Variants in ANO5 observed in about 807,000 individuals in gnomAD.
ANO5 encodes the protein anoctamin-5.
A neutral mutation model predicts 121.0 loss-of-function variants in ANO5; 109 were observed. That is an observed-to-expected ratio of 0.90 (90% confidence interval 0.77 to 1.06). ANO5 has a LOEUF of 1.06. Among genes scored for constraint, ANO5 ranks in the 50% least tolerant of loss-of-function variants. The pLI is 0.00. For synonymous variants in ANO5, 406 were observed against 359.9 expected (o/e 1.13, Z -1.45); for missense variants, 1,064 against 1,078.5 (o/e 0.99, Z 0.19).
intron 9 of ANO5, among the ~76,000 whole-genome samples, chr11:22,246,714 C>T (rs927617251): frequency 2.6e-5 from 4 of 151,390 alleles, no homozygotes; most frequent in African/African-American, 9.7e-5. Context: ...ATTACCCCAG[C>T]GTGGTGGCGC....
At chr11:22,277,121 A>G (rs1854882060) in intron 21 of ANO5, among the ~76,000 whole-genome samples, 1 of 151,526 alleles carries the variant, frequency 6.6e-6, no homozygotes, top group Non-Finnish European at 1.5e-5. Context: ...TTGCAGTTAT[A>G]TATTTTTATT....
intron 5 of ANO5, among the ~76,000 whole-genome samples, chr11:22,221,879 TAAAATA>T (rs1852665261): frequency 1.3e-5 from 2 of 152,102 alleles, no homozygotes; most frequent in South Asian, 2.1e-4. Flanking sequence ...AAATGTCATA[TAAAATA>T]AAAATAAAAA....
At chr11:22,241,109 G>A (rs960636003) in intron 9 of ANO5, among the ~76,000 whole-genome samples, 3 of 151,570 alleles carry the variant, frequency 2.0e-5, no homozygotes, top group African/African-American at 7.3e-5. Context: ...GAGGTTTGGG[G>A]TGCAGATCCT....
chr11:22,250,384 G>A lies in ANO5; in HGVS notation c.1013+13G>A. On this transcript the variant is annotated intron_variant, in intron 10 of 21. Coordinates refer to ENST00000324559, the MANE Select transcript of ANO5 (RefSeq NM_213599.3). ...ATAACACAAGCAGGTAAGTGCACCT[G>A]AGTTGCCCAGATAGAGAAAACATCT... 1 of 1,613,258 alleles carries A rather than the reference G, an allele frequency of 6.2e-7. No individual in the cohort carries two copies. The highest frequency in any genetic ancestry group is 8.5e-7 in the Non-Finnish European group (1 of 1,179,598).
intron 9 of ANO5, among the ~76,000 whole-genome samples, chr11:22,248,542 T>C (rs1016437540): frequency 2.0e-5 from 3 of 152,092 alleles, no homozygotes; most frequent in Admixed American, 6.6e-5. Context: ...TGAAAGATTA[T>C]TTCGTTGTTA....
At chr11:22,231,665 T>C (rs781282204) in intron 7 of ANO5, among the ~76,000 whole-genome samples, 35 of 151,990 alleles carry the variant, frequency 2.3e-4, no homozygotes, top group Non-Finnish European at 4.9e-4. Context: ...TGCAAGCTGG[T>C]ATTTATACAT....
chr11:22,223,280 A>G (rs2133596656), intron 5 of ANO5, among the ~76,000 whole-genome samples: 1 of 152,212 alleles, frequency 6.6e-6, no homozygotes, highest in East Asian at 1.9e-4. Flanking sequence ...CGAGCAAGGG[A>G]AAAAGCTTAT....
chr11:22,209,831 G>T (rs1386401581), intron 2 of ANO5, among the ~76,000 whole-genome samples: 4 of 150,380 alleles, frequency 2.7e-5, no homozygotes, highest in African/African-American at 4.9e-5. Context: ...TGACTAGCCT[G>T]GTTGCTTTTG....
intron 1 of ANO5, among the ~76,000 whole-genome samples, chr11:22,198,671 G>GT (rs1851880097): frequency 6.6e-6 from 1 of 151,974 alleles, no homozygotes; most frequent in East Asian, 1.9e-4. Flanking sequence ...CTAGCTTAAG[G>GT]TTTGCAGTTG....
At chr11:22,252,374 C>A (rs1853853671) in intron 12 of ANO5, among the ~76,000 whole-genome samples, 1 of 151,996 alleles carries the variant, frequency 6.6e-6, no homozygotes, top group Admixed American at 6.6e-5. Flanking sequence ...CCATTGTTTC[C>A]ATTGAGAGAG....
upstream of ANO5, chr11:22,192,951 C>T: frequency 1.0e-6 from 1 of 983,136 alleles, no homozygotes; most frequent in South Asian, 4.7e-5. Flanking sequence ...GTGGAGCCAG[C>T]CGGGCCGGGG....
intron 18 of ANO5, among the ~76,000 whole-genome samples, chr11:22,270,901 T>G (rs922241381): frequency 6.6e-6 from 1 of 152,156 alleles, no homozygotes; most frequent in Non-Finnish European, 1.5e-5. Flanking sequence ...AAGGGAAATA[T>G]AAGCTGAACA....
In ANO5 at chr11:22,257,677, C is replaced by G; in HGVS notation, c.1333-3C>G. 2.5e-6 allele frequency: 4 copies of G among 1,605,974 alleles called. No homozygotes were observed. Among genetic ancestry groups the G allele is most frequent in the Non-Finnish European group, 3.4e-6 (4 of 1,172,908 alleles). On this transcript the variant is annotated splice_region_variant and splice_polypyrimidine_tract_variant and intron_variant, in intron 13 of 21. Transcript: ENST00000324559. Reference sequence around the variant, plus strand: ...TTTCTTTGTGATTTCTTCAATATTACAGGAGATGGAACCTTACATGCCTCT... The same window carrying G: ...TTTCTTTGTGATTTCTTCAATATTAGAGGAGATGGAACCTTACATGCCTCT...
At chr11:22,220,644 C>A (rs1852610125) in intron 4 of ANO5, among the ~76,000 whole-genome samples, 1 of 151,896 alleles carries the variant, frequency 6.6e-6, no homozygotes. Flanking sequence ...TAGGAAGTGA[C>A]AATTTTATAA....
Position 22,193,238 on chromosome 11 carries a change from G to T in ANO5, c.-255G>T. On this transcript the variant is annotated 5_prime_UTR_variant, in exon 1 of 22. Coordinates refer to ENST00000324559, the MANE Select transcript of ANO5 (RefSeq NM_213599.3). ...GCGCAGGGCCAAGCGCGCGAAGCAG[G>T]TTGTGGGGGACCGGGTCGAGTGGAA... is the stretch of plus-strand genomic sequence containing the variant. 1 of 1,127,334 alleles carries T rather than the reference G, an allele frequency of 8.9e-7. No homozygotes were observed. The highest frequency in any genetic ancestry group is 1.1e-6 in the Non-Finnish European group (1 of 913,650). 69.8% of individuals were successfully genotyped at this position (1,127,334 alleles called of 1,614,324 possible).
At chr11:22,202,477 T>C (rs1325581134) in intron 1 of ANO5, among the ~76,000 whole-genome samples, 1 of 152,086 alleles carries the variant, frequency 6.6e-6, no homozygotes, top group Admixed American at 6.6e-5. Context: ...TTTTGACTTA[T>C]ACAATTGCTT....
chr11:22,196,641 C>T (rs978201715), intron 1 of ANO5, among the ~76,000 whole-genome samples: 3 of 151,818 alleles, frequency 2.0e-5, no homozygotes, highest in Non-Finnish European at 2.9e-5. Flanking sequence ...GAGGCCGAGG[C>T]AGGTGGATCA....
intron 3 of ANO5, among the ~76,000 whole-genome samples, chr11:22,214,231 T>C (rs1221740687): frequency 6.6e-6 from 1 of 151,982 alleles, no homozygotes; most frequent in Non-Finnish European, 1.5e-5. Context: ...GACTCCTGTG[T>C]TTCCTTGGTA....
At chr11:22,230,072 T>G (rs2133622764) in intron 7 of ANO5, among the ~76,000 whole-genome samples, 1 of 152,076 alleles carries the variant, frequency 6.6e-6, no homozygotes, top group African/African-American at 2.4e-5. Flanking sequence ...TATACACCAA[T>G]ATGTAGATTT....
Sources: gnomAD v4.1 joint callset for allele counts (sites outside exome capture counted in the v4.1 genomes callset) on GRCh38, gnomAD v4.1.1 for gene constraint, MANE v1.5 for transcripts, NCBI Gene and HGNC (gene_info 2026-07-23, HGNC 2026-07-21) for gene names.